Variants in ICE2 observed in about 807,000 individuals in gnomAD.
ICE2 encodes interactor of little elongation complex ELL subunit 2, also known as little elongation complex subunit 2.
A neutral mutation model predicts 105.4 loss-of-function variants in ICE2; 87 were observed. That is an observed-to-expected ratio of 0.83 (90% CI 0.69 to 0.99). ICE2 has a LOEUF of 0.99. Among genes scored for constraint, ICE2 ranks in the 50% least tolerant of loss-of-function variants. The pLI is 0.00. For missense variants in ICE2, 1,323 were observed against 1,146.7 expected (o/e 1.15, Z -2.22); for synonymous variants, 399 against 392.0 (o/e 1.02, Z -0.21).
chr15:60,444,748 A>C (rs976755359), intron 11 of ICE2, among the ~76,000 whole-genome samples: 2 of 152,094 alleles, frequency 1.3e-5, no homozygotes, highest in Non-Finnish European at 2.9e-5. Flanking sequence ...ACAATGACGC[A>C]ATCTCAGCTC....
At chr15:60,455,289 ATTAT>A (rs888779154) in intron 7 of ICE2, 33 bp downstream of exon 7, 13 of 1,560,812 alleles carry the variant, frequency 8.3e-6, no homozygotes, top group Middle Eastern at 1.7e-4. Context: ...GATATAAAAG[ATTAT>A]TTAGGAAGAT....
chr15:60,428,999 T>C (rs1441805521), intron 14 of ICE2, among the ~76,000 whole-genome samples: 1 of 152,236 alleles, frequency 6.6e-6, no homozygotes, highest in East Asian at 1.9e-4. Flanking sequence ...AGATTAGATA[T>C]TTATAGGTAT....
intron 15 of ICE2, among the ~76,000 whole-genome samples, chr15:60,424,411 A>C (rs372737429): frequency 4.4e-4 from 1 of 2,280 alleles, no homozygotes. Context: ...GGAAGGGGGA[A>C]TACAGAGGAT....
intron 11 of ICE2, chr15:60,447,767 G>A (rs1028215600): frequency 7.1e-6 from 3 of 420,270 alleles, no homozygotes; most frequent in Non-Finnish European, 8.5e-6. Flanking sequence ...GAATGTTACC[G>A]GCATTTATGG....
chr15:60,426,405 C>A (rs1173827175), intron 15 of ICE2, among the ~76,000 whole-genome samples: 1 of 152,112 alleles, frequency 6.6e-6, no homozygotes, highest in Non-Finnish European at 1.5e-5. Flanking sequence ...TACCATACGG[C>A]CTAAGTGTGT....
chr15:60,423,574 T>A lies in ICE2; in HGVS notation c.*60A>T, dbSNP rs1595729110. On this transcript the variant is annotated 3_prime_UTR_variant, in exon 16 of 16. Transcript: ENST00000261520. ...CCTACTGATTATTTTCCCTCAAACT[T>A]ATCTAAATTAAACACTGTTATAACT... is the stretch of plus-strand genomic sequence containing the variant. 2.0e-6 allele frequency: 3 copies of A among 1,473,836 alleles called. No individual in the cohort carries two copies. The East Asian group carries it at 7.7e-5, about 38-fold the overall frequency. The allele number at this position is 1,473,836 out of a possible 1,614,324, so 91.3% of individuals were successfully genotyped here.
At position 60,462,800 on chromosome 15, in the gene ICE2, G is replaced by C. The variant is rs28491417; in HGVS notation, c.528+3794C>G. Among the ~76,000 whole-genome samples the C allele has an allele frequency of 3.9e-3, 586 of 152,182 alleles. 2 individuals are homozygous for C. Among genetic ancestry groups the C allele is most frequent in the African/African-American group, 0.012 (501 of 41,502 alleles). ...TGGAGCAACAGAACTCTTAAACACT[G>C]CTGGTTAGAATGTAAATTGATATAA... On this transcript the variant is annotated intron_variant, in intron 5 of 15. Coordinates refer to ENST00000261520, the MANE Select transcript of ICE2 (RefSeq NM_024611.6).
At chr15:60,451,107 AT>A in intron 9 of ICE2, 2 of 784,510 alleles carry the variant, frequency 2.5e-6, no homozygotes, top group Non-Finnish European at 3.1e-6. Flanking sequence ...GTGGTCATAA[AT>A]TTTTATTGTA....
At chr15:60,450,049 CA>C (rs2063926154) in intron 9 of ICE2, among the ~76,000 whole-genome samples, 1 of 152,122 alleles carries the variant, frequency 6.6e-6, no homozygotes, top group African/African-American at 2.4e-5. Flanking sequence ...TTCATGATAA[CA>C]GGCAAATTTG....
chr15:60,451,336 A>G lies in ICE2; in HGVS notation c.1126-1495T>C, dbSNP rs564697118. The G allele has an allele frequency of 1.0e-4, 90 of 899,964 alleles. No individual in the cohort carries two copies. In the African/African-American group the frequency reaches 1.3e-3, roughly 13 times the overall value. 55.7% of individuals were successfully genotyped at this position (899,964 alleles called of 1,614,324 possible). A position where few individuals can be genotyped will look rare whatever the true frequency, so the allele number is the denominator to read the frequency against. On this transcript the variant is annotated intron_variant, in intron 9 of 15. Transcript: ENST00000261520. ...CAAAGGGCATTTCAAAAAATGAACTATAAATTAATATACAAAGAAAATCTC... is the reference window on the plus strand; with the variant it reads ...CAAAGGGCATTTCAAAAAATGAACTGTAAATTAATATACAAAGAAAATCTC...
chr15:60,464,062 G>A (rs927170058), intron 5 of ICE2, among the ~76,000 whole-genome samples: 1 of 152,148 alleles, frequency 6.6e-6, no homozygotes, highest in Non-Finnish European at 1.5e-5. Context: ...TTTTCCATAT[G>A]TACGTGACAT....
chr15:60,466,989 TTTTAA>T (rs1232086467), intron 4 of ICE2, among the ~76,000 whole-genome samples: 3 of 152,226 alleles, frequency 2.0e-5, no homozygotes, highest in Non-Finnish European at 4.4e-5. Flanking sequence ...AAATTTTTTT[TTTTAA>T]TTTATTTTTT....
At chr15:60,460,414 C>A (rs2141113107) in intron 5 of ICE2, among the ~76,000 whole-genome samples, 1 of 152,322 alleles carries the variant, frequency 6.6e-6, no homozygotes, top group Admixed American at 6.5e-5. Flanking sequence ...AGGAGAGTTG[C>A]TGGAACCCGC....
At chr15:60,454,311 T>C (rs980548325) in intron 8 of ICE2, among the ~76,000 whole-genome samples, 2 of 152,234 alleles carry the variant, frequency 1.3e-5, no homozygotes, top group African/African-American at 4.8e-5. Flanking sequence ...CTATTGCTTA[T>C]ATGTATAGAC....
intron 8 of ICE2, among the ~76,000 whole-genome samples, chr15:60,454,317 T>C (rs928727244): frequency 4.6e-5 from 7 of 152,072 alleles, no homozygotes; most frequent in African/African-American, 1.7e-4. Context: ...CTTATATGTA[T>C]AGACTTACTG....
intron 5 of ICE2, among the ~76,000 whole-genome samples, chr15:60,457,577 T>C (rs1404436962): frequency 6.6e-6 from 1 of 152,204 alleles, no homozygotes; most frequent in African/African-American, 2.4e-5. Flanking sequence ...CCTATATATC[T>C]ACATCCCCTC....
chr15:60,457,293 A>ATAT (rs1251489334), intron 5 of ICE2, among the ~76,000 whole-genome samples: 2 of 152,182 alleles, frequency 1.3e-5, no homozygotes, highest in Admixed American at 1.3e-4. Context: ...TGTTTTCAAA[A>ATAT]TATTAATGAC....
At chr15:60,469,725 T>C (rs2064535459) in intron 3 of ICE2, among the ~76,000 whole-genome samples, 1 of 152,214 alleles carries the variant, frequency 6.6e-6, no homozygotes, top group Non-Finnish European at 1.5e-5. Context: ...TACCATGGCA[T>C]ACATACTCCC....
Position 60,442,486 on chromosome 15 carries a change from A to C in ICE2, c.2355T>G (p.Ala785=), listed in dbSNP as rs1462765319. The C allele has an allele frequency of 1.3e-6, 2 of 1,599,236 alleles. No individual in the cohort carries two copies. The highest frequency in any genetic ancestry group is 1.3e-5 in the African/African-American group (1 of 74,268). Residue 785 remains alanine, a synonymous_variant, in exon 12 of 16, where the codon GCT becomes GCG. Transcript: ENST00000261520. ...VEYQACYGVE[A]LTESELCRLW... ...AGCGACAAAGTTCACTTTCAGTCAGAGCTTCAACTCCATAACAAGCTTGAT... is the reference window on the plus strand; with the variant it reads ...AGCGACAAAGTTCACTTTCAGTCAGCGCTTCAACTCCATAACAAGCTTGAT...
Sources: gnomAD v4.1 joint callset for allele counts (sites outside exome capture counted in the v4.1 genomes callset) on GRCh38, gnomAD v4.1.1 for gene constraint, MANE v1.5 for transcripts, NCBI Gene and HGNC (gene_info 2026-07-23, HGNC 2026-07-21) for gene names.